Variants in USP17L1 observed in about 807,000 individuals in gnomAD.
The protein encoded by USP17L1 is ubiquitin carboxyl-terminal hydrolase 17-like protein 1.
USP17L1 carries 42 observed loss-of-function variants against 31.4 expected under a neutral mutation model. The ratio of observed to expected loss-of-function variants is 1.34; its 90% CI spans 1.05 to 1.73. The LOEUF is 1.73. Ranked by LOEUF, USP17L1 falls within the 40% of genes most tolerant of loss-of-function variation. The pLI is 0.00. For missense variants in USP17L1, 576 were observed against 495.8 expected, an observed-to-expected ratio of 1.16 and a Z score of -1.54; for synonymous variants, 230 against 194.4, an observed-to-expected ratio of 1.18 and a Z score of -1.52.
chr8:7,333,414 A>T lies in USP17L1; in HGVS notation c.1028A>T (p.Glu343Val). The T allele has an allele frequency of 1.3e-6, 2 of 1,573,996 alleles. No individual in the cohort carries two copies. Among genetic ancestry groups the T allele is most frequent in the South Asian group, 2.2e-5 (2 of 89,910 alleles). The change falls in exon 1 of 1, where the codon GAA (glutamate) becomes GTA (valine). Residue 343 changes from glutamate to valine, a missense_variant. By Grantham distance (121) the Glu-to-Val change is moderately radical. Transcript: ENST00000529559. ...TACTTCTCCTATGTCAAAGCTCAAG[A>T]AGTCCAGTGGTATAAAATGGATGAT... ...GHYFSYVKAQEVQWYKMDDAE... is the reference protein window; with the variant it reads ...GHYFSYVKAQVVQWYKMDDAE...
At position 7,333,951 on chromosome 8, in the gene USP17L1, G is replaced by A. The variant is rs532872211; in HGVS notation, c.1565G>A (p.Ser522Asn). ...AGAGCCAAAGGGAAGAACAAACACA[G>A]CAAGAGGGCTCTGCTTGTGTGCCAG... Reference protein sequence around the residue: ...TRRAKGKNKHSKRALLVCQ With the variant: ...TRRAKGKNKHNKRALLVCQ Residue 522 changes from serine (S) to asparagine (N), a missense_variant, in exon 1 of 1, where the codon AGC becomes AAC. Physicochemically the swap from Ser to Asn is conservative, Grantham distance 46. Coordinates refer to ENST00000529559, the MANE Select transcript of USP17L1 (RefSeq NM_001256873.1). 1,039 of 1,581,898 alleles carry A rather than the reference G, an allele frequency of 6.6e-4. 260 individuals carry two copies. The African/African-American group carries it at 0.017, about 26-fold the overall frequency.
chr8:7,332,908 G>A lies in USP17L1; in HGVS notation c.522G>A (p.Lys174=), dbSNP rs781714846. 1 of 1,517,972 alleles carries A rather than the reference G, an allele frequency of 6.6e-7. No individual in the cohort carries two copies. The highest frequency in any genetic ancestry group is 8.8e-7 in the Non-Finnish European group (1 of 1,135,464). 94.0% of individuals were successfully genotyped at this position (1,517,972 alleles called of 1,614,324 possible). ...FLMFTVDAMK[K]ACLPGHKQVD... is the part of the protein sequence containing the mutation. Reference sequence around the variant, plus strand: ...TGTTCACTGTGGATGCCATGAAAAAGGCATGCCTTCCCGGCCACAAGCAGG... The same window carrying A: ...TGTTCACTGTGGATGCCATGAAAAAAGCATGCCTTCCCGGCCACAAGCAGG... Residue 174 remains lysine, a synonymous_variant, in exon 1 of 1, where the codon AAG becomes AAA. Transcript: ENST00000529559.
Position 7,332,691 on chromosome 8 carries a change from T to G in USP17L1, c.305T>G (p.Leu102Arg). 1.8e-6 allele frequency: 1 copy of G among 542,832 alleles called. No individual in the cohort carries two copies. Among genetic ancestry groups the G allele is most frequent in the Non-Finnish European group, 3.1e-6 (1 of 320,498 alleles). 33.6% of individuals were successfully genotyped at this position (542,832 alleles called of 1,614,324 possible). Residue 102 changes from leucine to arginine, a missense_variant, in exon 1 of 1, where the codon CTG (leucine) becomes CGG (arginine). Coordinates refer to ENST00000529559, the MANE Select transcript of USP17L1 (RefSeq NM_001256873.1). Reference sequence around the variant, plus strand: ...TCCCTGCAGTGCCTGACATACACACTGCCCCTTGCCAACTACATGCTGTCC... The same window carrying G: ...TCCCTGCAGTGCCTGACATACACACGGCCCCTTGCCAACTACATGCTGTCC... ...NASLQCLTYTLPLANYMLSRE... is the reference protein window; with the variant it reads ...NASLQCLTYTRPLANYMLSRE...
chr8:7,333,305 A>G lies in USP17L1; in HGVS notation c.919A>G (p.Met307Val). 7.6e-7 allele frequency: 1 copy of G among 1,318,236 alleles called. No individual in the cohort carries two copies. Among genetic ancestry groups the G allele is most frequent in the South Asian group, 1.2e-5 (1 of 83,836 alleles). 81.7% of individuals were successfully genotyped at this position (1,318,236 alleles called of 1,614,324 possible). Residue 307 changes from methionine (M) to valine (V), a missense_variant, in exon 1 of 1, where the codon ATG becomes GTG. Physicochemically the swap from Met to Val is conservative, Grantham distance 21. Coordinates refer to ENST00000529559, the MANE Select transcript of USP17L1 (RefSeq NM_001256873.1). ...TGAGTGCCTTGACATGCAGCCATAC[A>G]TGTCTCAGCAGAACACAGGACCTCT... ...YPECLDMQPY[M>V]SQQNTGPLVY...
chr8:7,333,529 C>G lies in USP17L1; in HGVS notation c.1143C>G (p.His381Gln). The change falls in exon 1 of 1, where the codon CAC becomes CAG. Residue 381 changes from histidine (H) to glutamine (Q), a missense_variant. His to Gln is a conservative substitution (Grantham distance 24). Coordinates refer to ENST00000529559, the MANE Select transcript of USP17L1 (RefSeq NM_001256873.1). ...FYIQKSEWER[H>Q]SESVSRGREP... Reference sequence around the variant, plus strand: ...TCCAGAAGAGTGAATGGGAAAGACACAGTGAGAGTGTGTCAAGAGGCAGGG... The same window carrying G: ...TCCAGAAGAGTGAATGGGAAAGACAGAGTGAGAGTGTGTCAAGAGGCAGGG... The G allele has an allele frequency of 4.0e-6, 6 of 1,503,534 alleles. No individual in the cohort carries two copies. The highest frequency in any genetic ancestry group is 5.4e-6 in the Non-Finnish European group (6 of 1,108,804). 93.1% of individuals were successfully genotyped at this position (1,503,534 alleles called of 1,614,324 possible).
Position 7,333,968 on chromosome 8 carries a change from G to C in USP17L1, c.1582G>C (p.Val528Leu), listed in dbSNP as rs1046474971. ...CAAACACAGCAAGAGGGCTCTGCTT[G>C]TGTGCCAGTGATCTCAGTGGAAGTG... ...KNKHSKRALL[V>L]CQ The change falls in exon 1 of 1, where the codon GTG becomes CTG. Residue 528 changes from valine to leucine, a missense_variant. Transcript: ENST00000529559. 7 of 1,583,156 alleles carry C rather than the reference G, an allele frequency of 4.4e-6. No individual in the cohort carries two copies. Among genetic ancestry groups the C allele is most frequent in the Admixed American group, 1.7e-5 (1 of 59,230 alleles).
chr8:7,332,481 T>C lies in USP17L1; in HGVS notation c.95T>C (p.Ile32Thr). The C allele has an allele frequency of 1.9e-6, 1 of 534,726 alleles. No individual in the cohort carries two copies. The highest frequency in any genetic ancestry group is 3.1e-6 in the Non-Finnish European group (1 of 320,658). The allele number at this position is 534,726 out of a possible 1,614,324, so 33.1% of individuals were successfully genotyped here. Reference sequence around the variant, plus strand: ...CGGCCAGATGCAGCTTTTGCTGAAATCCAGCGGACTTCTCTCCCTGAGAAG... The same window carrying C: ...CGGCCAGATGCAGCTTTTGCTGAAACCCAGCGGACTTCTCTCCCTGAGAAG... ...SSRPDAAFAE[I>T]QRTSLPEKSP... The change falls in exon 1 of 1, where the codon ATC becomes ACC. Residue 32 changes from isoleucine to threonine, a missense_variant. Coordinates refer to ENST00000529559, the MANE Select transcript of USP17L1 (RefSeq NM_001256873.1).
In USP17L1 at chr8:7,333,424, G is replaced by T. The variant is rs536866562; in HGVS notation, c.1038G>T (p.Trp346Cys). 5.1e-6 allele frequency: 8 copies of T among 1,572,374 alleles called. No individual in the cohort carries two copies. In the Admixed American group the frequency reaches 1.3e-4, roughly 27 times the overall value. ...FSYVKAQEVQ[W>C]YKMDDAEVTV... is the part of the protein sequence containing the mutation. ...ATGTCAAAGCTCAAGAAGTCCAGTG[G>T]TATAAAATGGATGATGCCGAGGTCA... Residue 346 changes from tryptophan (W) to cysteine (C), a missense_variant, in exon 1 of 1, where the codon TGG becomes TGT. Transcript: ENST00000529559.
At position 7,333,943 on chromosome 8, in the gene USP17L1, C is replaced by G. The variant is rs754328396; in HGVS notation, c.1557C>G (p.Asn519Lys). ...GGACCAGGAGAGCCAAAGGGAAGAA[C>G]AAACACAGCAAGAGGGCTCTGCTTG... ...QGRTRRAKGK[N>K]KHSKRALLVC... is the part of the protein sequence containing the mutation. Residue 519 changes from asparagine to lysine, a missense_variant, in exon 1 of 1, where the codon AAC (asparagine) becomes AAG (lysine). Asn to Lys is a moderately conservative substitution (Grantham distance 94, BLOSUM62 0). Coordinates refer to ENST00000529559, the MANE Select transcript of USP17L1 (RefSeq NM_001256873.1). 6 of 1,580,200 alleles carry G rather than the reference C, an allele frequency of 3.8e-6. 1 individual carries two copies. Among genetic ancestry groups the G allele is most frequent in the Middle Eastern group, 4.6e-4 (2 of 4,328 alleles).
Position 7,332,616 on chromosome 8 carries a change from C to T in USP17L1, c.230C>T (p.Ala77Val), listed in dbSNP as rs1456155423. The change falls in exon 1 of 1, where the codon GCG (alanine) becomes GTG (valine). Residue 77 changes from alanine to valine, a missense_variant. Physicochemically the swap from Ala to Val is moderately conservative, Grantham distance 64 (BLOSUM62 0). Coordinates refer to ENST00000529559, the MANE Select transcript of USP17L1 (RefSeq NM_001256873.1). The stretch of plus-strand genomic sequence containing the variant: ...CCTCTGAGTAGCAGGAGACCTGCTG[C>T]GGTGGGGGCTGGGCTCCAGAATATG... ...KLPLSSRRPA[A>V]VGAGLQNMGN... is the part of the protein sequence containing the mutation. 3.6e-5 allele frequency: 18 copies of T among 500,602 alleles called. No individual in the cohort carries two copies. Among genetic ancestry groups the T allele is most frequent in the South Asian group, 2.1e-4 (10 of 48,670 alleles). 31.0% of individuals were successfully genotyped at this position (500,602 alleles called of 1,614,324 possible).
In USP17L1 at chr8:7,333,506, C is replaced by A; in HGVS notation, c.1120C>A (p.Gln374Lys). 1 of 1,545,280 alleles carries A rather than the reference C, an allele frequency of 6.5e-7. No homozygotes were observed. Among genetic ancestry groups the A allele is most frequent in the South Asian group, 1.1e-5 (1 of 89,196 alleles). ...SQQAYVLFYI[Q>K]KSEWERHSES... ...ACAGGCCTATGTCCTCTTTTACATC[C>A]AGAAGAGTGAATGGGAAAGACACAG... The change falls in exon 1 of 1, where the codon CAG becomes AAG. Residue 374 changes from glutamine to lysine, a missense_variant. Transcript: ENST00000529559.
chr8:7,333,925 G>A lies in USP17L1; in HGVS notation c.1539G>A (p.Arg513=). The change falls in exon 1 of 1, where the codon AGG becomes AGA. Residue 513 remains arginine, a synonymous_variant. Coordinates refer to ENST00000529559, the MANE Select transcript of USP17L1 (RefSeq NM_001256873.1). The stretch of plus-strand genomic sequence containing the variant: ...TCGCTTCTCTGCAAGGGAGGACCAG[G>A]AGAGCCAAAGGGAAGAACAAACACA... ...GTLASLQGRT[R]RAKGKNKHSK... is the part of the protein sequence containing the mutation. 6.4e-7 allele frequency: 1 copy of A among 1,559,410 alleles called. No individual in the cohort carries two copies. Among genetic ancestry groups the A allele is most frequent in the East Asian group, 2.3e-5 (1 of 44,280 alleles).
chr8:7,333,589 G>T lies in USP17L1; in HGVS notation c.1203G>T (p.Arg401Ser). ...CCCTCGGCGCTGAAGACACAGACAG[G>T]CGAGCAAAGCAAGGAGAGCTCAAGA... ...PRALGAEDTDRRAKQGELKRD... is the reference protein window; with the variant it reads ...PRALGAEDTDSRAKQGELKRD... Residue 401 changes from arginine (R) to serine (S), a missense_variant, in exon 1 of 1, where the codon AGG becomes AGT. By Grantham distance (110) the Arg-to-Ser change is moderately radical. Transcript: ENST00000529559. The T allele has an allele frequency of 2.0e-6, 3 of 1,473,910 alleles. No individual in the cohort carries two copies. The highest frequency in any genetic ancestry group is 1.1e-5 in the South Asian group (1 of 87,408). The allele number at this position is 1,473,910 out of a possible 1,614,324, so 91.3% of individuals were successfully genotyped here.
In USP17L1 at chr8:7,333,175, C is replaced by A. The variant is rs1227690475; in HGVS notation, c.789C>A (p.Ala263=). The A allele has an allele frequency of 6.3e-6, 5 of 794,834 alleles. No individual in the cohort carries two copies. The East Asian group carries it at 1.3e-4, about 21-fold the overall frequency. The allele number at this position is 794,834 out of a possible 1,614,324, so 49.2% of individuals were successfully genotyped here. ...GTCTTTGTCTCCAGAGGGCGCCGGC[C>A]TCCAACACGTTAACTTTACACACTT... ...HCGLCLQRAP[A]SNTLTLHTSA... Residue 263 remains alanine, a synonymous_variant, in exon 1 of 1, where the codon GCC becomes GCA. Transcript: ENST00000529559.
rs780059672 is a variant in USP17L1 at position 7,333,568 on chromosome 8, C to T, written c.1182C>T (p.Leu394=). The change falls in exon 1 of 1, where the codon CTC becomes CTT. Residue 394 remains leucine (L), a synonymous_variant. Transcript: ENST00000529559. The part of the protein sequence containing the change: ...SVSRGREPRA[L]GAEDTDRRAK... Reference sequence around the variant, plus strand: ...CAAGAGGCAGGGAACCAAGAGCCCTCGGCGCTGAAGACACAGACAGGCGAG... The same window carrying T: ...CAAGAGGCAGGGAACCAAGAGCCCTTGGCGCTGAAGACACAGACAGGCGAG... 565 of 1,468,248 alleles carry T rather than the reference C, an allele frequency of 3.8e-4. 18 individuals carry two copies. The highest frequency in any genetic ancestry group is 7.8e-4 in the Middle Eastern group (4 of 5,118). The allele number at this position is 1,468,248 out of a possible 1,614,324, so 91.0% of individuals were successfully genotyped here.
chr8:7,333,558 C>A lies in USP17L1; in HGVS notation c.1172C>A (p.Pro391Gln), dbSNP rs1235076631. The A allele has an allele frequency of 2.0e-6, 3 of 1,467,366 alleles. No individual in the cohort carries two copies. Among genetic ancestry groups the A allele is most frequent in the African/African-American group, 2.2e-5 (1 of 45,302 alleles). The allele number at this position is 1,467,366 out of a possible 1,614,324, so 90.9% of individuals were successfully genotyped here. Reference protein sequence around the residue: ...HSESVSRGREPRALGAEDTDR... With the variant: ...HSESVSRGREQRALGAEDTDR... ...GAGAGTGTGTCAAGAGGCAGGGAACCAAGAGCCCTCGGCGCTGAAGACACA... is the reference window on the plus strand; with the variant it reads ...GAGAGTGTGTCAAGAGGCAGGGAACAAAGAGCCCTCGGCGCTGAAGACACA... The change falls in exon 1 of 1, where the codon CCA becomes CAA. Residue 391 changes from proline (P) to glutamine (Q), a missense_variant. Pro to Gln is a moderately conservative substitution (Grantham distance 76). Transcript: ENST00000529559.
At position 7,333,098 on chromosome 8, in the gene USP17L1, G is replaced by A; in HGVS notation, c.712G>A (p.Glu238Lys). Reference protein sequence around the residue: ...QAAQSVKQALEQLVKPEELNG... With the variant: ...QAAQSVKQALKQLVKPEELNG... ...AGCTCAGAGTGTCAAGCAAGCTTTG[G>A]AACAGTTGGTGAAGCCCGAAGAACT... Residue 238 changes from glutamate to lysine, a missense_variant, in exon 1 of 1, where the codon GAA (glutamate) becomes AAA (lysine). Coordinates refer to ENST00000529559, the MANE Select transcript of USP17L1 (RefSeq NM_001256873.1). 1 of 838,624 alleles carries A rather than the reference G, an allele frequency of 1.2e-6. No homozygotes were observed. 51.9% of individuals were successfully genotyped at this position (838,624 alleles called of 1,614,324 possible). A position where few individuals can be genotyped will look rare whatever the true frequency, so the allele number is the denominator to read the frequency against.
Position 7,332,524 on chromosome 8 carries a change from G to A in USP17L1, c.138G>A (p.Glu46=), listed in dbSNP as rs573962547. Residue 46 remains glutamate, a synonymous_variant, in exon 1 of 1, where the codon GAG becomes GAA. Coordinates refer to ENST00000529559, the MANE Select transcript of USP17L1 (RefSeq NM_001256873.1). ...SLPEKSPLSS[E]TRVDLCDDLA... Reference sequence around the variant, plus strand: ...CTGAGAAGTCACCACTCTCATCTGAGACCCGTGTCGACCTCTGTGATGATT... The same window carrying A: ...CTGAGAAGTCACCACTCTCATCTGAAACCCGTGTCGACCTCTGTGATGATT... 1.9e-4 allele frequency: 95 copies of A among 510,154 alleles called. 6 individuals are homozygous for A. In the African/African-American group the frequency reaches 5.2e-3, roughly 28 times the overall value. 31.6% of individuals were successfully genotyped at this position (510,154 alleles called of 1,614,324 possible).
Position 7,332,798 on chromosome 8 carries a change from A to G in USP17L1, c.412A>G (p.Ser138Gly), listed in dbSNP as rs753606689. The G allele has an allele frequency of 1.1e-5, 7 of 660,696 alleles. No individual in the cohort carries two copies. Among genetic ancestry groups the G allele is most frequent in the Non-Finnish European group, 1.7e-5 (7 of 405,024 alleles). 40.9% of individuals were successfully genotyped at this position (660,696 alleles called of 1,614,324 possible). The change falls in exon 1 of 1, where the codon AGT becomes GGT. Residue 138 changes from serine to glycine, a missense_variant. Coordinates refer to ENST00000529559, the MANE Select transcript of USP17L1 (RefSeq NM_001256873.1). ...AGCTCACATCACATGGGCCCTCCAC[A>G]GTCCTGGCCATGTCATCCAGCCCTC... ...MQAHITWALH[S>G]PGHVIQPSQA...
Sources: gnomAD v4.1 joint callset for allele counts on GRCh38, gnomAD v4.1.1 for gene constraint, MANE v1.5 for transcripts, NCBI Gene and HGNC (gene_info 2026-07-23, HGNC 2026-07-21) for gene names.